The following KCNA6 variants were observed in gnomAD, a reference collection of about 807,000 sequenced individuals.
The protein encoded by KCNA6 is potassium voltage-gated channel subfamily A member 6, also known as human brain potassium channel-2.
Under a neutral mutation model 29.5 loss-of-function variants are expected in KCNA6, and 17 were observed. The observed-to-expected ratio is 0.58, with a 90% confidence interval of 0.39 to 0.86. The LOEUF (loss-of-function observed/expected upper bound fraction) is 0.86, where lower values mean the gene tolerates loss of function less well. Among genes scored for constraint, KCNA6 ranks in the 40% least tolerant of loss-of-function variants. KCNA6 has a pLI of 0.00. For synonymous variants in KCNA6, 296 were observed against 304.7 expected, an observed-to-expected ratio of 0.97 and a Z score of 0.30; for missense variants, 450 against 703.4, an observed-to-expected ratio of 0.64 and a Z score of 4.07.
Position 4,810,258 on chromosome 12 carries a change from C to T in KCNA6, c.217C>T (p.Arg73Ter). 1.2e-6 allele frequency: 2 copies of T among 1,613,922 alleles called. No individual in the cohort carries two copies. Among genetic ancestry groups the T allele is most frequent in the Non-Finnish European group, 8.5e-7 (1 of 1,180,022 alleles). ...CACGCTGCTCGGAGACCCTGGCCGG[C>T]GAGTCCGCTTCTTCGACCCCCTGAG... The change falls in exon 1 of 1, where the codon CGA (arginine) becomes TGA (stop). Residue 73 changes from arginine (R) to a stop codon, truncating the protein, a stop_gained. Coordinates refer to ENST00000280684, the Ensembl canonical transcript of KCNA6. LOFTEE classifies it high-confidence loss of function. This position sits in a 1 kb window ranked among gnomAD's most constrained non-coding sequence, Gnocchi z 7.5.
the KCNA6 span, among the ~76,000 whole-genome samples, chr12:4,846,486 G>A: frequency 1.9e-4 from 28 of 149,452 alleles, no homozygotes; most frequent in African/African-American, 7.0e-4. Flanking sequence ...GCGACATAAT[G>A]TCCAGTGTTG....
exon 1 of KCNA6, chr12:4,809,590 C>T (rs1399169887): frequency 6.4e-6 from 1 of 157,430 alleles, no homozygotes; most frequent in African/African-American, 2.4e-5. Flanking sequence ...GCATCTGGCG[C>T]TTCGGTACCA....
chr12:4,821,645 A>G, the KCNA6 span, among the ~76,000 whole-genome samples: 13 of 152,070 alleles, frequency 8.5e-5, no homozygotes, highest in African/African-American at 3.1e-4. Context: ...ATACTGGAAT[A>G]TTTCACACAC....
At chr12:4,817,780 A>G (rs1447161913), downstream of KCNA6, among the ~76,000 whole-genome samples, 1 of 152,050 alleles carries the variant, frequency 6.6e-6, no homozygotes, top group Non-Finnish European at 1.5e-5. Flanking sequence ...CAACCTCATC[A>G]TTGTTACTCT....
chr12:4,832,299 G>A, the KCNA6 span, among the ~76,000 whole-genome samples: 2 of 152,172 alleles, frequency 1.3e-5, no homozygotes, highest in African/African-American at 4.8e-5. Context: ...GTCTTGTGAA[G>A]TTTGTTCAAC....
At chr12:4,843,065 C>T in the KCNA6 span, among the ~76,000 whole-genome samples, 1 of 152,046 alleles carries the variant, frequency 6.6e-6, no homozygotes, top group Non-Finnish European at 1.5e-5. Context: ...AAGAGGATGA[C>T]TTCTAGGCAT....
At chr12:4,833,644 T>C in the KCNA6 span, among the ~76,000 whole-genome samples, 3 of 152,352 alleles carry the variant, frequency 2.0e-5, no homozygotes, top group South Asian at 6.2e-4. Flanking sequence ...TAGGACTTGC[T>C]TGGCTTTTTG....
chr12:4,819,872 A>T, the KCNA6 span, among the ~76,000 whole-genome samples: 3 of 152,356 alleles, frequency 2.0e-5, no homozygotes, highest in African/African-American at 7.2e-5. Context: ...GGAAGCTAAC[A>T]TCACTTGCCT....
At chr12:4,841,470 C>A in the KCNA6 span, among the ~76,000 whole-genome samples, 4 of 152,206 alleles carry the variant, frequency 2.6e-5, no homozygotes, top group East Asian at 7.7e-4. Flanking sequence ...AGATGAAAAT[C>A]ATTAGATTTA....
chr12:4,847,524 G>C, the KCNA6 span, among the ~76,000 whole-genome samples: 1 of 151,698 alleles, frequency 6.6e-6, no homozygotes, highest in African/African-American at 2.4e-5. Context: ...TTTTGATTTT[G>C]GCTGTCATAT....
chr12:4,828,250 T>C, the KCNA6 span, among the ~76,000 whole-genome samples: 10,483 of 152,280 alleles, frequency 0.069, 522 homozygotes, highest in South Asian at 0.18. Flanking sequence ...TCCCCCAGAC[T>C]AACTTTGTCT....
At chr12:4,828,564 A>AAAC in the KCNA6 span, among the ~76,000 whole-genome samples, 3 of 152,254 alleles carry the variant, frequency 2.0e-5, no homozygotes, top group Non-Finnish European at 4.4e-5. Flanking sequence ...ACCTATAGTA[A>AAAC]AACAACAACA....
chr12:4,822,924 T>C, the KCNA6 span, among the ~76,000 whole-genome samples: 2 of 152,254 alleles, frequency 1.3e-5, no homozygotes, highest in Non-Finnish European at 2.9e-5. Context: ...TCTTCTGTCT[T>C]TGAAGCTTAT....
At chr12:4,818,013 T>G (rs895307481), downstream of KCNA6, among the ~76,000 whole-genome samples, 4 of 152,130 alleles carry the variant, frequency 2.6e-5, no homozygotes, top group Non-Finnish European at 4.4e-5. Context: ...TCTCAGGGCT[T>G]GACAACCGCT....
chr12:4,816,345 T>G (rs1009617840), downstream of KCNA6, among the ~76,000 whole-genome samples: 7 of 151,968 alleles, frequency 4.6e-5, no homozygotes, highest in African/African-American at 1.7e-4. Context: ...AGTTACATGC[T>G]TTTCTCTTTT....
the KCNA6 span, among the ~76,000 whole-genome samples, chr12:4,823,497 T>C: frequency 6.6e-6 from 1 of 152,024 alleles, no homozygotes; most frequent in Non-Finnish European, 1.5e-5. Flanking sequence ...CTGGGTGCAG[T>C]GGCTCATGCC....
chr12:4,810,839 G>T lies in KCNA6; in HGVS notation c.798G>T (p.Val266=). The change falls in exon 1 of 1, where the codon GTG becomes GTT. Residue 266 remains valine (V), a synonymous_variant. Transcript: ENST00000280684. The surrounding 1 kb of genome is among the most constrained non-coding windows in gnomAD (Gnocchi z 7.5). ...TCTTTACAGACCCCTTCTTTCTGGT[G>T]GAGACGCTGTGCATTGTCTGGTTCA... The T allele has an allele frequency of 6.2e-7, 1 of 1,602,082 alleles. No homozygotes were observed. The highest frequency in any genetic ancestry group is 1.7e-4 in the Middle Eastern group (1 of 5,986).
chr12:4,826,106 T>C, the KCNA6 span, among the ~76,000 whole-genome samples: 4 of 152,248 alleles, frequency 2.6e-5, no homozygotes, highest in African/African-American at 9.6e-5. Flanking sequence ...TGTTTTCAAG[T>C]GTGACATTTG....
At chr12:4,822,568 C>T in the KCNA6 span, among the ~76,000 whole-genome samples, 1 of 152,128 alleles carries the variant, frequency 6.6e-6, no homozygotes, top group Non-Finnish European at 1.5e-5. Context: ...GTTAAGCAGG[C>T]AGGGGAATGT....
Sources: allele counts gnomAD v4.1 joint callset (sites outside exome capture counted in the v4.1 genomes callset), GRCh38; gene constraint gnomAD v4.1.1; non-coding constraint Gnocchi (gnomAD v3.1); transcripts MANE v1.5; gene names NCBI Gene and HGNC (gene_info 2026-07-23, HGNC 2026-07-21).